The following ANK3 variants were observed in gnomAD, a reference collection of about 807,000 sequenced individuals.
ANK3 encodes the protein ankyrin 3, also known as ankyrin-3.
A neutral mutation model predicts 370.9 loss-of-function variants in ANK3; 57 were observed. The observed-to-expected ratio is 0.15, with a 90% CI of 0.12 to 0.19. The LOEUF is 0.19. Ranked by LOEUF, ANK3 falls within the 10% of genes least tolerant of loss-of-function variation. The probability of loss-of-function intolerance (pLI) is 1.00; values close to 1 mark genes in which losing one functional copy is unlikely to be tolerated. For missense variants in ANK3, 4,439 were observed against 5,302.1 expected, an observed-to-expected ratio of 0.84 and a Z score of 5.06; for synonymous variants, 1,929 against 1,946.3, an observed-to-expected ratio of 0.99 and a Z score of 0.23.
intron 23 of ANK3, chr10:60,145,975 C>T (rs971778516): frequency 2.0e-5 from 19 of 938,412 alleles, no homozygotes; most frequent in Non-Finnish European, 2.3e-5. Flanking sequence ...TACTTTTCAC[C>T]GTAAACTCTT....
At chr10:60,180,599 A>AAAAAAAAG (rs1342615580) in intron 18 of ANK3, among the ~76,000 whole-genome samples, 1 of 130,692 alleles carries the variant, frequency 7.7e-6, no homozygotes, top group African/African-American at 3.2e-5. Context: ...CGTCTCAAAA[A>AAAAAAAAG]AAAAAAAAAA....
intron 1 of ANK3, among the ~76,000 whole-genome samples, chr10:60,647,644 T>C (rs908186099): frequency 1.5e-4 from 22 of 151,612 alleles, no homozygotes; most frequent in African/African-American, 5.3e-4. Flanking sequence ...AGTTTTATAA[T>C]ATGTCCTGTA....
intron 23 of ANK3, among the ~76,000 whole-genome samples, chr10:60,160,168 AACT>A (rs1591028274): frequency 1.6e-5 from 1 of 64,140 alleles, no homozygotes; most frequent in Non-Finnish European, 2.7e-5. Flanking sequence ...TAACCAGACT[AACT>A]AAAAAAGAGA....
intron 25 of ANK3, among the ~76,000 whole-genome samples, chr10:60,125,627 G>A (rs1326960103): frequency 6.6e-6 from 1 of 152,160 alleles, no homozygotes; most frequent in Non-Finnish European, 1.5e-5. Context: ...ACCCCCCTTA[G>A]AAATTAGCTT....
intron 1 of ANK3, among the ~76,000 whole-genome samples, chr10:60,618,554 T>C (rs1174394328): frequency 6.6e-6 from 1 of 152,082 alleles, no homozygotes; most frequent in Admixed American, 6.6e-5. Context: ...AGTAGGACTT[T>C]GAAGCAAAAG....
In ANK3 at chr10:60,398,125, A is replaced by G. The variant is rs57082469; in HGVS notation, c.97-118486T>C. Among the ~76,000 whole-genome samples the G allele has an allele frequency of 2.4e-3, 370 of 152,354 alleles. 2 individuals carry two copies. Among genetic ancestry groups the G allele is most frequent in the Middle Eastern group, 0.02 (6 of 294 alleles). Reference sequence around the variant, plus strand: ...AAAAAGCAACCAGAGACAATATGTAAGGGTATCAAAATGTCTCTCTAATCC... The same window carrying G: ...AAAAAGCAACCAGAGACAATATGTAGGGGTATCAAAATGTCTCTCTAATCC... On this transcript the variant is annotated intron_variant, in intron 2 of 43. Coordinates refer to the ANK3 transcript ENST00000373827.
At position 60,157,958 on chromosome 10, in the gene ANK3, T is replaced by C. The variant is rs1409607513; in HGVS notation, c.2614+8633A>G. 6.3e-5 allele frequency among the ~76,000 whole-genome samples: 9 copies of C among 142,014 alleles called. No homozygotes were observed. The Admixed American group carries it at 6.4e-4, about 10-fold the overall frequency. The allele number at this position is 142,014 out of a possible 152,430, so 93.2% of individuals were successfully genotyped here. ...AGGGAAGGAGGGAGGGAGATCAGGG[T>C]AGATGATTTACTCAAAGAAATAATA... is the stretch of plus-strand genomic sequence containing the variant. On this transcript the variant is annotated intron_variant, in intron 23 of 43. Coordinates refer to ENST00000280772, the MANE Select transcript of ANK3 (RefSeq NM_020987.5).
intron 1 of ANK3, among the ~76,000 whole-genome samples, chr10:60,674,438 G>C (rs116165734): frequency 0.041 from 6,193 of 152,132 alleles, 159 homozygotes; most frequent in Middle Eastern, 0.071. Context: ...AGGGAGCAGG[G>C]AGGAGGGAGA....
At chr10:60,555,664 T>C (rs1802360620) in intron 2 of ANK3, among the ~76,000 whole-genome samples, 1 of 152,150 alleles carries the variant, frequency 6.6e-6, no homozygotes, top group Non-Finnish European at 1.5e-5. Context: ...GCATATGTCA[T>C]GACTAGAAAG....
In ANK3 at chr10:60,075,103, C is replaced by G. The variant is rs771306574; in HGVS notation, c.5778G>C (p.Glu1926Asp). The stretch of plus-strand genomic sequence containing the variant: ...TTGGGAGTTCAGGTTGGAATGGCTT[C>G]TCCTCAGGCACATCTGTCTGTAGTA... ...TAILQTDVPEEKPFQPELPKE... is the reference protein window; with the variant it reads ...TAILQTDVPEDKPFQPELPKE... Residue 1926 changes from glutamate (E) to aspartate (D), a missense_variant, in exon 37 of 44, where the codon GAG (glutamate) becomes GAC (aspartate). Coordinates refer to ENST00000280772, the MANE Select transcript of ANK3 (RefSeq NM_020987.5). The G allele has an allele frequency of 6.2e-7, 1 of 1,610,662 alleles. No individual in the cohort carries two copies. Among genetic ancestry groups the G allele is most frequent in the South Asian group, 1.1e-5 (1 of 91,082 alleles).
At chr10:60,694,379 T>A (rs184604659) in intron 1 of ANK3, among the ~76,000 whole-genome samples, 1 of 152,158 alleles carries the variant, frequency 6.6e-6, no homozygotes, top group Non-Finnish European at 1.5e-5. Flanking sequence ...AACATTCAGA[T>A]GCAGGAAATA....
At chr10:60,430,167 T>C (rs2132975566) in intron 2 of ANK3, among the ~76,000 whole-genome samples, 1 of 152,240 alleles carries the variant, frequency 6.6e-6, no homozygotes, top group South Asian at 2.1e-4. Flanking sequence ...CTAGCACCAG[T>C]GTGGTAGATG....
intron 2 of ANK3, among the ~76,000 whole-genome samples, chr10:60,588,821 GA>G (rs755165261): frequency 6.6e-6 from 1 of 152,050 alleles, no homozygotes; most frequent in Non-Finnish European, 1.5e-5. Context: ...GAACTCAGAG[GA>G]TGGCTTAAAC....
intron 2 of ANK3, among the ~76,000 whole-genome samples, chr10:60,416,037 T>C (rs547645472): frequency 6.7e-6 from 1 of 150,048 alleles, no homozygotes. Context: ...ATAGGATTAG[T>C]GTCCCTATTA....
chr10:60,058,771 T>C (rs535909537), intron 41 of ANK3, among the ~76,000 whole-genome samples: 1 of 152,346 alleles, frequency 6.6e-6, no homozygotes, highest in Non-Finnish European at 1.5e-5. Context: ...CTTATGTTTT[T>C]GAGACAGAGT....
chr10:60,368,306 G>A (rs566474284), intron 1 of ANK3, among the ~76,000 whole-genome samples: 3 of 152,034 alleles, frequency 2.0e-5, no homozygotes, highest in East Asian at 1.9e-4. Flanking sequence ...TCCAAATGAC[G>A]GAGCTTCACA....
At chr10:60,081,415 C>T in intron 35 of ANK3, 2 of 367,320 alleles carry the variant, frequency 5.4e-6, no homozygotes, top group Non-Finnish European at 1.1e-5. Flanking sequence ...ATTACTGCAT[C>T]CTAAGGCTAC....
At chr10:60,218,413 C>A (rs2132476847) in intron 8 of ANK3, among the ~76,000 whole-genome samples, 1 of 152,172 alleles carries the variant, frequency 6.6e-6, no homozygotes, top group Middle Eastern at 3.4e-3. Flanking sequence ...TTTGCAGTGG[C>A]TGGTACTGGT....
At chr10:60,503,104 A>G (rs1055561968) in intron 2 of ANK3, among the ~76,000 whole-genome samples, 1 of 152,170 alleles carries the variant, frequency 6.6e-6, no homozygotes, top group Non-Finnish European at 1.5e-5. Flanking sequence ...ACAATCAGCA[A>G]GTAGGTTGAA....
Sources: allele counts gnomAD v4.1 joint callset (sites outside exome capture counted in the v4.1 genomes callset), GRCh38; gene constraint gnomAD v4.1.1; transcripts MANE v1.5; gene names NCBI Gene and HGNC (gene_info 2026-07-23, HGNC 2026-07-21).